Variants in PALM2AKAP2 observed in about 807,000 individuals in gnomAD.
The protein encoded by PALM2AKAP2 is PALM2 and AKAP2 fusion.
In PALM2AKAP2, 37 loss-of-function variants were observed where a neutral mutation model predicts 71.5. The ratio of observed to expected loss-of-function variants is 0.52; its 90% CI spans 0.40 to 0.68. PALM2AKAP2 has a LOEUF of 0.68. Ranked by LOEUF, PALM2AKAP2 falls within the 30% of genes least tolerant of loss-of-function variation. The pLI, the probability that PALM2AKAP2 is intolerant of heterozygous loss-of-function variation, is 0.00. For missense variants in PALM2AKAP2, 1,224 were observed against 1,191.8 expected (o/e 1.03, Z -0.40); for synonymous variants, 468 against 478.8 (o/e 0.98, Z 0.29).
Position 110,137,901 on chromosome 9 carries a change from C to T in PALM2AKAP2, c.1931C>T (p.Thr644Met), listed in dbSNP as rs151295306. Reference sequence around the variant, plus strand: ...CATGGTTTCTATTCCCCTTCCTCCACGCTGGGGGACTCTCCGTTGGTTGAT... The same window carrying T: ...CATGGTTTCTATTCCCCTTCCTCCATGCTGGGGGACTCTCCGTTGGTTGAT... The change falls in exon 2 of 4, where the codon ACG becomes ATG. Residue 644 changes from threonine to methionine, a missense_variant. Thr to Met is a moderately conservative substitution (Grantham distance 81). Transcript: ENST00000374525. The T allele has an allele frequency of 7.7e-5, 125 of 1,614,168 alleles. 1 individual carries two copies. Among genetic ancestry groups the T allele is most frequent in the South Asian group, 6.6e-4 (60 of 91,078 alleles).
At chr9:110,010,027 TCTGA>T (rs1202036846) in intron 6 of PALM2AKAP2, among the ~76,000 whole-genome samples, 1 of 152,234 alleles carries the variant, frequency 6.6e-6, no homozygotes, top group East Asian at 1.9e-4. Context: ...GACTTATTCC[TCTGA>T]CTGTGCAGCT....
At position 110,121,393 on chromosome 9, in the gene PALM2AKAP2, C is replaced by T. The variant is rs149701882; in HGVS notation, c.157-14734C>T. On this transcript the variant is annotated intron_variant, in intron 1 of 3. Coordinates refer to ENST00000374525, the Ensembl canonical transcript of PALM2AKAP2. Reference sequence around the variant, plus strand: ...AGACTGGGCATGTGAGGAGGAAGGGCGGTTGTGAGGCCCAGGCTTCCTTCT... The same window carrying T: ...AGACTGGGCATGTGAGGAGGAAGGGTGGTTGTGAGGCCCAGGCTTCCTTCT... 2.5e-3 allele frequency among the ~76,000 whole-genome samples: 383 copies of T among 152,278 alleles called. 1 individual carries two copies. Among genetic ancestry groups the T allele is most frequent in the African/African-American group, 8.7e-3 (363 of 41,564 alleles).
Position 109,900,243 on chromosome 9 carries a change from A to G in PALM2AKAP2, c.257+19562A>G, listed in dbSNP as rs1255624668. The stretch of plus-strand genomic sequence containing the variant: ...TTTCTTGACATTTACTGAGAAGTAT[A>G]GACAAGTACTGCCATGAACAAACAT... On this transcript the variant is annotated intron_variant, in intron 3 of 9. Transcript: ENST00000302798. Among the ~76,000 whole-genome samples, 3 of 152,268 alleles carry G rather than the reference A, an allele frequency of 2.0e-5. No individual in the cohort carries two copies. The East Asian group carries it at 5.8e-4, about 29-fold the overall frequency.
chr9:109,643,139 CAA>C (rs562663102), intron 1 of PALM2AKAP2, among the ~76,000 whole-genome samples: 94 of 152,196 alleles, frequency 6.2e-4, no homozygotes, highest in African/African-American at 2.2e-3. Flanking sequence ...AAGGGAAAGA[CAA>C]TGCCTGAAGG....
chr9:110,136,984 C>T (rs776994786), exon 2 of PALM2AKAP2: 1 of 1,614,084 alleles, frequency 6.2e-7, no homozygotes, highest in South Asian at 1.1e-5. Context: ...AGGAAAAAAC[C>T]ATCGAGGAGC....
intron 2 of PALM2AKAP2, among the ~76,000 whole-genome samples, chr9:109,879,547 C>CCCTAAAAGGAAGA (rs746932893): frequency 7.2e-5 from 11 of 152,178 alleles, no homozygotes; most frequent in Non-Finnish European, 1.5e-4. Context: ...CCTTGCTCTT[C>CCCTAAAAGGAAGA]CTTTTAGGGA....
At chr9:110,119,068 G>C (rs1349859277) in intron 1 of PALM2AKAP2, among the ~76,000 whole-genome samples, 1 of 152,106 alleles carries the variant, frequency 6.6e-6, no homozygotes, top group East Asian at 1.9e-4. Context: ...CATCAGGCCA[G>C]GCACAGTGGT....
At chr9:109,992,652 T>C (rs1255686242) in intron 6 of PALM2AKAP2, among the ~76,000 whole-genome samples, 1 of 152,138 alleles carries the variant, frequency 6.6e-6, no homozygotes, top group Admixed American at 6.6e-5. Flanking sequence ...TTTATGAAAG[T>C]GAGTTCCTTA....
chr9:109,826,411 T>A (rs1250450513), intron 1 of PALM2AKAP2, among the ~76,000 whole-genome samples: 1 of 152,102 alleles, frequency 6.6e-6, no homozygotes, highest in Non-Finnish European at 1.5e-5. Flanking sequence ...TTTTGTATCA[T>A]GAATATTGTT....
intron 6 of PALM2AKAP2, among the ~76,000 whole-genome samples, chr9:109,991,087 G>A (rs1275822675): frequency 6.6e-6 from 1 of 152,064 alleles, no homozygotes; most frequent in Non-Finnish European, 1.5e-5. Flanking sequence ...GGTGAGACTG[G>A]TGCAGAGAGC....
chr9:109,713,907 A>T (rs1314620242), intron 1 of PALM2AKAP2, among the ~76,000 whole-genome samples: 1 of 152,236 alleles, frequency 6.6e-6, no homozygotes, highest in Non-Finnish European at 1.5e-5. Flanking sequence ...ACTATAAGAT[A>T]TTAATATTAG....
intron 1 of PALM2AKAP2, among the ~76,000 whole-genome samples, chr9:109,736,819 C>T (rs1039870398): frequency 1.3e-5 from 2 of 152,128 alleles, no homozygotes; most frequent in Non-Finnish European, 2.9e-5. Context: ...CTGTATTTGA[C>T]TGCCATTTTC....
chr9:109,839,013 G>T (rs1472543236), intron 1 of PALM2AKAP2, among the ~76,000 whole-genome samples: 1 of 152,150 alleles, frequency 6.6e-6, no homozygotes, highest in Non-Finnish European at 1.5e-5. Flanking sequence ...GGAAAAGAGG[G>T]AATCCTTCCT....
chr9:109,798,701 C>G (rs1303858981), intron 1 of PALM2AKAP2, among the ~76,000 whole-genome samples: 1 of 152,244 alleles, frequency 6.6e-6, no homozygotes. Context: ...AGTGTTGTGT[C>G]ACTACTCCCC....
chr9:109,929,887 A>AAAAAAAAAAT (rs768243071), intron 5 of PALM2AKAP2, among the ~76,000 whole-genome samples: 2 of 143,628 alleles, frequency 1.4e-5, no homozygotes. Flanking sequence ...AAAAAAAAAA[A>AAAAAAAAAAT]GAGAGAGAAT....
chr9:109,928,161 G>A (rs1441806617), intron 5 of PALM2AKAP2, among the ~76,000 whole-genome samples: 1 of 152,158 alleles, frequency 6.6e-6, no homozygotes, highest in Non-Finnish European at 1.5e-5. Context: ...GGAGTGCAGT[G>A]GTGCCATCTT....
intron 3 of PALM2AKAP2, among the ~76,000 whole-genome samples, chr9:109,889,401 T>G (rs1442430763): frequency 3.9e-5 from 6 of 152,216 alleles, no homozygotes; most frequent in Admixed American, 3.9e-4. Context: ...AGCCTGAAAG[T>G]GACAGGAAAC....
At chr9:109,923,469 A>T (rs536046459) in intron 3 of PALM2AKAP2, among the ~76,000 whole-genome samples, 6 of 152,250 alleles carry the variant, frequency 3.9e-5, no homozygotes, top group South Asian at 4.1e-4. Context: ...TGGTGTTGGC[A>T]GGGAAACATC....
At chr9:109,958,924 C>T (rs562072496) in intron 6 of PALM2AKAP2, among the ~76,000 whole-genome samples, 2 of 152,312 alleles carry the variant, frequency 1.3e-5, no homozygotes, top group East Asian at 3.9e-4. Flanking sequence ...ACCTGCCTGA[C>T]CAAAATTTGT....
Sources: allele counts gnomAD v4.1 joint callset (sites outside exome capture counted in the v4.1 genomes callset), GRCh38; gene constraint gnomAD v4.1.1; transcripts MANE v1.5; gene names NCBI Gene and HGNC (gene_info 2026-07-23, HGNC 2026-07-21).